The following PRODH2 variants were observed in gnomAD, a reference collection of about 807,000 sequenced individuals.
PRODH2 encodes hydroxyproline dehydrogenase.
A neutral mutation model predicts 51.9 loss-of-function variants in PRODH2; 49 were observed. The observed-to-expected ratio is 0.94, with a 90% confidence interval of 0.75 to 1.20. PRODH2 has a LOEUF of 1.20. Ranked by LOEUF, PRODH2 falls within the 50% of genes most tolerant of loss-of-function variation. PRODH2 has a pLI of 0.00. For missense variants in PRODH2, 597 were observed against 610.9 expected (o/e 0.98, Z 0.24); for synonymous variants, 249 against 260.7 (o/e 0.96, Z 0.43).
intron 7 of PRODH2, among the ~76,000 whole-genome samples, chr19:35,803,502 G>A (rs969497813): frequency 2.0e-5 from 3 of 152,184 alleles, no homozygotes; most frequent in Admixed American, 6.5e-5. Context: ...TGATCTGCCC[G>A]CCTCAGCCTC....
At chr19:35,805,689 T>C (rs1056423755) in intron 7 of PRODH2, among the ~76,000 whole-genome samples, 3 of 152,158 alleles carry the variant, frequency 2.0e-5, no homozygotes, top group Non-Finnish European at 2.9e-5. Context: ...GGATGACAGG[T>C]GCACACCACT....
intron 4 of PRODH2, among the ~76,000 whole-genome samples, chr19:35,810,973 C>A (rs1035483032): frequency 2.0e-5 from 3 of 152,098 alleles, no homozygotes; most frequent in Admixed American, 1.3e-4. Context: ...TTAATGAGCC[C>A]ATTATTCATA....
chr19:35,801,039 T>C (rs1972417226), intron 9 of PRODH2, among the ~76,000 whole-genome samples: 1 of 152,078 alleles, frequency 6.6e-6, no homozygotes, highest in Non-Finnish European at 1.5e-5. Flanking sequence ...TGGTGGTGCG[T>C]GCCTATAATC....
intron 4 of PRODH2, among the ~76,000 whole-genome samples, chr19:35,809,978 A>C (rs1208887648): frequency 2.2e-5 from 3 of 134,426 alleles, no homozygotes; most frequent in African/African-American, 8.4e-5. Flanking sequence ...AAAAAAAAAA[A>C]AAAAAAACGC....
chr19:35,803,081 G>C lies in PRODH2; in HGVS notation c.1002-3C>G. On this transcript the variant is annotated splice_region_variant and splice_polypyrimidine_tract_variant and intron_variant, in intron 7 of 9. Coordinates refer to ENST00000653904, the MANE Select transcript of PRODH2 (RefSeq NM_021232.2). The stretch of plus-strand genomic sequence containing the variant: ...TCAGTTCCAGGCAGCGGCTGTAACT[G>C]AAGGGAGATGCTCTGTTCAGCTCAC... The C allele has an allele frequency of 3.3e-6, 5 of 1,529,614 alleles. No homozygotes were observed. Among genetic ancestry groups the C allele is most frequent in the Non-Finnish European group, 4.4e-6 (5 of 1,128,262 alleles). 94.8% of individuals were successfully genotyped at this position (1,529,614 alleles called of 1,614,324 possible). A position where few individuals can be genotyped will look rare whatever the true frequency, so the allele number is the denominator to read the frequency against.
In PRODH2 at chr19:35,812,728, G is replaced by A. The variant is rs755999165; in HGVS notation, c.78C>T (p.Gly26=). The change falls in exon 1 of 10, where the codon GGC becomes GGT. Residue 26 remains glycine, a synonymous_variant. Transcript: ENST00000653904. ...SRGWQSLSFD[G]GAFHLKGTGE... is the part of the protein sequence containing the mutation. ...CTGTGCCCTTAAGGTGGAAGGCCCCGCCATCAAAGCTCAGGGACTGCCAGC... is the reference window on the plus strand; with the variant it reads ...CTGTGCCCTTAAGGTGGAAGGCCCCACCATCAAAGCTCAGGGACTGCCAGC... 5.6e-6 allele frequency: 9 copies of A among 1,611,388 alleles called. No homozygotes were observed. Among genetic ancestry groups the A allele is most frequent in the African/African-American group, 5.3e-5 (4 of 74,864 alleles).
At chr19:35,810,809 C>T (rs1239964862) in intron 4 of PRODH2, among the ~76,000 whole-genome samples, 1 of 152,226 alleles carries the variant, frequency 6.6e-6, no homozygotes, top group Non-Finnish European at 1.5e-5. Context: ...GCGTGAGCCA[C>T]TGCCCCCGGC....
intron 4 of PRODH2, among the ~76,000 whole-genome samples, chr19:35,811,131 A>T (rs1972602417): frequency 6.6e-6 from 1 of 152,114 alleles, no homozygotes; most frequent in Non-Finnish European, 1.5e-5. Flanking sequence ...ATGGATGTTC[A>T]TGTACAATTC....
chr19:35,806,071 T>TTTTG (rs3030901), intron 7 of PRODH2, among the ~76,000 whole-genome samples: 38,823 of 149,996 alleles, frequency 0.26, 5,148 homozygotes, highest in Middle Eastern at 0.41. Flanking sequence ...TTTTGTTTTG[T>TTTTG]TTTGTTTGTT....
At chr19:35,807,777 C>T (rs1972538700) in intron 4 of PRODH2, among the ~76,000 whole-genome samples, 1 of 151,470 alleles carries the variant, frequency 6.6e-6, no homozygotes, top group Non-Finnish European at 1.5e-5. Flanking sequence ...TTGTTACGTA[C>T]TGACTTTTGT....
At position 35,803,059 on chromosome 19, in the gene PRODH2, G is replaced by T. The variant is rs1005736729; in HGVS notation, c.1021C>A (p.Leu341Met). 2 of 1,548,816 alleles carry T rather than the reference G, an allele frequency of 1.3e-6. No homozygotes were observed. Among genetic ancestry groups the T allele is most frequent in the African/African-American group, 1.4e-5 (1 of 73,902 alleles). ...TGGCGGGCCACGTGCGTCAGCATCA[G>T]TTCCAGGCAGCGGCTGTAACTGAAG... ...TSQSYSRCLE[L>M]MLTHVARHGP... Residue 341 changes from leucine to methionine, a missense_variant, in exon 8 of 10, where the codon CTG (leucine) becomes ATG (methionine). By Grantham distance (15) the Leu-to-Met change is conservative. Coordinates refer to ENST00000653904, the MANE Select transcript of PRODH2 (RefSeq NM_021232.2).
rs146858113 is a variant in PRODH2 at position 35,807,233 on chromosome 19, G to C, written c.598-112C>G. 126 of 1,039,294 alleles carry C rather than the reference G, an allele frequency of 1.2e-4. 1 individual carries two copies. In the African/African-American group the frequency reaches 1.8e-3, roughly 15 times the overall value. 64.4% of individuals were successfully genotyped at this position (1,039,294 alleles called of 1,614,324 possible). A position where few individuals can be genotyped will look rare whatever the true frequency, so the allele number is the denominator to read the frequency against. On this transcript the variant is annotated intron_variant, in intron 4 of 9. Transcript: ENST00000653904. The stretch of plus-strand genomic sequence containing the variant: ...AGGGGGTTATGAGCCTAGAATCAGG[G>C]CTCGAATCCAGGCTTCACCACCTAC...
Position 35,810,615 on chromosome 19 carries a change from G to A in PRODH2, c.597+1347C>T, listed in dbSNP as rs141888825. On this transcript the variant is annotated intron_variant, in intron 4 of 9. Coordinates refer to ENST00000653904, the MANE Select transcript of PRODH2 (RefSeq NM_021232.2). ...CGGTTTACTGCAACCTCCGCCTCCC[G>A]GTTCAAGCGATTCTCCTGCCTCAGC... 1.4e-3 allele frequency among the ~76,000 whole-genome samples: 215 copies of A among 151,652 alleles called. 6 individuals carry two copies. In the East Asian group the frequency reaches 0.038, roughly 27 times the overall value.
At position 35,800,215 on chromosome 19, in the gene PRODH2, G is replaced by A. The variant is rs775536512; in HGVS notation, c.1206C>T (p.Ala402=). Residue 402 remains alanine (A), a synonymous_variant, in exon 10 of 10, where the codon GCC becomes GCT. Coordinates refer to ENST00000653904, the MANE Select transcript of PRODH2 (RefSeq NM_021232.2). ...CDHVSLALGQ[A]GYVVYKSIPY... is the part of the protein sequence containing the mutation. Reference sequence around the variant, plus strand: ...GAATGGACTTATACACTACATAGCCGGCCTGCCCTGCAGGGAGAGTGGGTT... The same window carrying A: ...GAATGGACTTATACACTACATAGCCAGCCTGCCCTGCAGGGAGAGTGGGTT... The A allele has an allele frequency of 1.2e-5, 19 of 1,572,472 alleles. No individual in the cohort carries two copies. Among genetic ancestry groups the A allele is most frequent in the East Asian group, 7.0e-5 (3 of 43,154 alleles).
chr19:35,811,220 T>C (rs1972603304), intron 4 of PRODH2, among the ~76,000 whole-genome samples: 1 of 152,082 alleles, frequency 6.6e-6, no homozygotes, highest in Admixed American at 6.6e-5. Context: ...GGTATACACC[T>C]GGCAAAACAA....
chr19:35,804,013 C>G (rs569344683), intron 7 of PRODH2, among the ~76,000 whole-genome samples: 2 of 152,308 alleles, frequency 1.3e-5, no homozygotes, highest in South Asian at 4.1e-4. Context: ...CCCACATCCC[C>G]CATGGAGTCA....
In PRODH2 at chr19:35,812,522, C is replaced by T. The variant is rs202215635; in HGVS notation, c.209G>A (p.Arg70Gln). Reference protein sequence around the residue: ...QAWSRRLLGSRLSGAFLRASV... With the variant: ...QAWSRRLLGSQLSGAFLRASV... ...TGCTCGGAGAAATGCGCCTGAGAGC[C>T]GGGAGCCCAGGAGTCGCCGAGACCA... Residue 70 changes from arginine (R) to glutamine (Q), a missense_variant, in exon 2 of 10, where the codon CGG becomes CAG. Arg to Gln is a conservative substitution (Grantham distance 43). Transcript: ENST00000653904. 2.2e-5 allele frequency: 36 copies of T among 1,614,148 alleles called. No individual in the cohort carries two copies. In the East Asian group the frequency reaches 6.2e-4, roughly 28 times the overall value.
In PRODH2 at chr19:35,812,656, G is replaced by C. The variant is rs1456750611; in HGVS notation, c.150C>G (p.Pro50=). 4 of 1,595,230 alleles carry C rather than the reference G, an allele frequency of 2.5e-6. No homozygotes were observed. The South Asian group carries it at 4.5e-5, about 18-fold the overall frequency. The stretch of plus-strand genomic sequence containing the variant: ...CCAACAGCCCGTGAGTGACGAGTGG[G>C]GGCCAGGCACACAGCCGGAGAACCA... ...ALLVLRLCAW[P]PLVTHGLLLQ... The change falls in exon 1 of 10, where the codon CCC becomes CCG. Residue 50 remains proline, a synonymous_variant. Transcript: ENST00000653904.
chr19:35,802,787 ATCC>A (rs1972453576), intron 8 of PRODH2, among the ~76,000 whole-genome samples, 178 bp downstream of exon 8: 3 of 151,472 alleles, frequency 2.0e-5, no homozygotes, highest in African/African-American at 7.3e-5. Context: ...GTCTCAAACA[ATCC>A]TCCACCTTCG....
Sources: allele counts gnomAD v4.1 joint callset (sites outside exome capture counted in the v4.1 genomes callset), GRCh38; gene constraint gnomAD v4.1.1; transcripts MANE v1.5; gene names NCBI Gene and HGNC (gene_info 2026-07-23, HGNC 2026-07-21).